Variants in CSMD1 observed in about 807,000 individuals in gnomAD.
CSMD1 encodes CUB and Sushi multiple domains 1.
In CSMD1, 213 loss-of-function variants were observed where a neutral mutation model predicts 417.5. That is an observed-to-expected ratio of 0.51 (90% CI 0.46 to 0.57). The LOEUF (loss-of-function observed/expected upper bound fraction) is 0.57, where lower values mean the gene tolerates loss of function less well. Among genes scored for constraint, CSMD1 ranks in the 20% least tolerant of loss-of-function variants. The pLI is 0.00. For synonymous variants in CSMD1, 2,862 were observed against 1,736.8 expected (o/e 1.65, Z -16.11); for missense variants, 6,923 against 4,529.7 (o/e 1.53, Z -15.17).
At chr8:3,178,160 G>A (rs1024952156) in intron 37 of CSMD1, among the ~76,000 whole-genome samples, 2 of 152,114 alleles carry the variant, frequency 1.3e-5, no homozygotes, top group Non-Finnish European at 2.9e-5. Context: ...GACTTTCTTG[G>A]AACTGCTTTT....
chr8:4,736,935 C>A (rs1810283578), intron 1 of CSMD1, among the ~76,000 whole-genome samples: 1 of 152,148 alleles, frequency 6.6e-6, no homozygotes. Context: ...ATTCCTGGGG[C>A]TCAGTCACAG....
chr8:3,091,621 T>A lies in CSMD1; in HGVS notation c.7180A>T (p.Asn2394Tyr). ...QSPLLVVLSGNHTEQSNFTSR... is the reference protein window; with the variant it reads ...QSPLLVVLSGYHTEQSNFTSR... ...GTAAAATTTGATTGTTCAGTATGAT[T>A]CCCACTTAAGACTACTAGCAGAGGA... The change falls in exon 48 of 70, where the codon AAT becomes TAT. Residue 2394 changes from asparagine (N) to tyrosine (Y), a missense_variant. Coordinates refer to ENST00000635120, the MANE Select transcript of CSMD1 (RefSeq NM_033225.6). 6.2e-7 allele frequency: 1 copy of A among 1,612,018 alleles called. No homozygotes were observed.
intron 11 of CSMD1, among the ~76,000 whole-genome samples, chr8:3,469,428 TC>T (rs1180240212): frequency 6.6e-6 from 1 of 152,062 alleles, no homozygotes; most frequent in African/African-American, 2.4e-5. Context: ...TATTGAACAC[TC>T]CCCCCGCATA....
chr8:4,083,552 C>G (rs916216503), intron 3 of CSMD1, among the ~76,000 whole-genome samples: 2 of 152,176 alleles, frequency 1.3e-5, no homozygotes, highest in Admixed American at 6.5e-5. Flanking sequence ...TTACAACTGT[C>G]TGATCTTTGA....
At chr8:4,505,091 C>T (rs1254838357) in intron 2 of CSMD1, among the ~76,000 whole-genome samples, 1 of 152,156 alleles carries the variant, frequency 6.6e-6, no homozygotes, top group African/African-American at 2.4e-5. Context: ...AATTTACACT[C>T]CTACCAACAC....
chr8:4,080,495 C>T (rs1235373579), intron 3 of CSMD1, among the ~76,000 whole-genome samples: 1 of 152,188 alleles, frequency 6.6e-6, no homozygotes, highest in South Asian at 2.1e-4. Context: ...TTCCAAATTT[C>T]TTACTTGCAA....
intron 47 of CSMD1, 79 bp downstream of exon 47, chr8:3,096,770 T>G (rs1815334974): frequency 2.1e-6 from 2 of 951,220 alleles, no homozygotes; most frequent in East Asian, 2.7e-5. Context: ...ATTCCAGTCT[T>G]TATGTTACTA....
At chr8:3,568,182 T>C (rs370923578) in intron 10 of CSMD1, among the ~76,000 whole-genome samples, 5 of 152,354 alleles carry the variant, frequency 3.3e-5, no homozygotes, top group African/African-American at 1.2e-4. Flanking sequence ...TATAAAGTAC[T>C]GATGTTCACT....
At chr8:4,587,951 G>C (rs1167446422) in intron 2 of CSMD1, among the ~76,000 whole-genome samples, 2 of 152,172 alleles carry the variant, frequency 1.3e-5, no homozygotes, top group African/African-American at 2.4e-5. Context: ...ATTGTGTGTA[G>C]ACTTTAAAGT....
chr8:4,174,799 G>C (rs1450288720), intron 3 of CSMD1, among the ~76,000 whole-genome samples: 1 of 129,476 alleles, frequency 7.7e-6, no homozygotes, highest in Non-Finnish European at 1.6e-5. Flanking sequence ...CACAGATTGT[G>C]AGAGATTCAG....
chr8:4,787,853 TGC>T (rs1797489932), intron 1 of CSMD1: 7 of 1,567,718 alleles, frequency 4.5e-6, no homozygotes, highest in Non-Finnish European at 6.1e-6. Context: ...AAATCCTGGT[TGC>T]CCCAGAATTG....
At chr8:4,137,624 T>G (rs1016198097) in intron 3 of CSMD1, among the ~76,000 whole-genome samples, 1 of 131,618 alleles carries the variant, frequency 7.6e-6, no homozygotes, top group African/African-American at 2.5e-5. Context: ...AACTGTTAAT[T>G]GATCACATTT....
chr8:4,856,691 G>T (rs1317209266), intron 1 of CSMD1, among the ~76,000 whole-genome samples: 3 of 148,564 alleles, frequency 2.0e-5, no homozygotes, highest in Non-Finnish European at 4.5e-5. Flanking sequence ...AATGCTAAAG[G>T]GATCAATTCA....
chr8:4,499,965 G>A (rs1347594424), intron 2 of CSMD1, among the ~76,000 whole-genome samples: 1 of 152,170 alleles, frequency 6.6e-6, no homozygotes, highest in Non-Finnish European at 1.5e-5. Flanking sequence ...AAGAAAAAAA[G>A]CAGATATCTA....
At chr8:3,781,978 G>C (rs1799210901) in intron 5 of CSMD1, among the ~76,000 whole-genome samples, 1 of 152,050 alleles carries the variant, frequency 6.6e-6, no homozygotes, top group Admixed American at 6.6e-5. Context: ...GTAAGAGAAG[G>C]GATGATGATA....
chr8:4,446,688 G>A (rs964591548), intron 2 of CSMD1, among the ~76,000 whole-genome samples: 19 of 151,496 alleles, frequency 1.3e-4, no homozygotes, highest in Admixed American at 1.1e-3. Flanking sequence ...GAGTAGCTGC[G>A]ATTACTCGTG....
At chr8:3,371,651 CA>C (rs1233581861) in intron 18 of CSMD1, among the ~76,000 whole-genome samples, 4 of 152,114 alleles carry the variant, frequency 2.6e-5, no homozygotes, top group Admixed American at 1.3e-4. Context: ...ATAATATTCA[CA>C]AAAGAATTAG....
chr8:3,905,793 C>T (rs1027108227), intron 5 of CSMD1, among the ~76,000 whole-genome samples: 1 of 152,158 alleles, frequency 6.6e-6, no homozygotes, highest in Admixed American at 6.5e-5. Flanking sequence ...TCTTCACCAC[C>T]CTCTACTGTA....
At chr8:3,952,738 C>T (rs1187250637) in intron 5 of CSMD1, among the ~76,000 whole-genome samples, 2 of 152,066 alleles carry the variant, frequency 1.3e-5, no homozygotes, top group South Asian at 2.1e-4. Context: ...TTTAAAATGG[C>T]TTATTGTATG....
Sources: gnomAD v4.1 joint callset for allele counts (sites outside exome capture counted in the v4.1 genomes callset) on GRCh38, gnomAD v4.1.1 for gene constraint, MANE v1.5 for transcripts, NCBI Gene and HGNC (gene_info 2026-07-23, HGNC 2026-07-21) for gene names.